CSMD1: variants seen among roughly 807,000 people sequenced by gnomAD.
CSMD1 encodes CUB and Sushi multiple domains 1.
In CSMD1, 213 loss-of-function variants were observed where a neutral mutation model predicts 417.5. That is an observed-to-expected ratio of 0.51 (90% CI 0.46 to 0.57). CSMD1 has a LOEUF of 0.57. Among genes scored for constraint, CSMD1 ranks in the 20% least tolerant of loss-of-function variants. The pLI, the probability that CSMD1 is intolerant of heterozygous loss-of-function variation, is 0.00. For missense variants in CSMD1, 6,923 were observed against 4,529.7 expected (o/e 1.53, Z -15.17); for synonymous variants, 2,862 against 1,736.8 (o/e 1.65, Z -16.11).
At chr8:3,633,856 T>C (rs901388885) in intron 7 of CSMD1, among the ~76,000 whole-genome samples, 21 of 152,290 alleles carry the variant, frequency 1.4e-4, no homozygotes, top group African/African-American at 3.9e-4. Context: ...GCTGTGAACA[T>C]CATAGACACA....
At chr8:4,106,011 G>A (rs181979940) in intron 3 of CSMD1, among the ~76,000 whole-genome samples, 57 of 152,336 alleles carry the variant, frequency 3.7e-4, no homozygotes, top group African/African-American at 1.3e-3. Flanking sequence ...GCATCTTCGG[G>A]TGTGCCACCA....
chr8:4,521,638 T>C (rs1803454162), intron 2 of CSMD1, among the ~76,000 whole-genome samples: 1 of 152,106 alleles, frequency 6.6e-6, no homozygotes, highest in African/African-American at 2.4e-5. Flanking sequence ...AACTTTATGG[T>C]AGAAAAAGGT....
At chr8:4,829,153 T>G (rs1470749895) in intron 1 of CSMD1, among the ~76,000 whole-genome samples, 1 of 152,240 alleles carries the variant, frequency 6.6e-6, no homozygotes, top group Non-Finnish European at 1.5e-5. Flanking sequence ...TGATCCTGCC[T>G]GTTGCAATTC....
rs1205784963 is a variant in CSMD1 at position 3,409,471 on chromosome 8, T to A, written c.1696A>T (p.Thr566Ser). 2.5e-6 allele frequency: 4 copies of A among 1,611,504 alleles called. No homozygotes were observed. The highest frequency in any genetic ancestry group is 1.7e-4 in the Middle Eastern group (1 of 6,054). ...GACCACTGATTGTTCTGCTGACAGG[T>A]GATAACTCTCTCCCCCACCAGCTCA... is the stretch of plus-strand genomic sequence containing the variant. ...AFELVGERVI[T>S]CQQNNQWSGN... Residue 566 changes from threonine to serine, a missense_variant, in exon 13 of 70, where the codon ACC (threonine) becomes TCC (serine). By Grantham distance (58) the Thr-to-Ser change is moderately conservative. Transcript: ENST00000635120.
chr8:3,881,132 T>G (rs1806176219), intron 5 of CSMD1, among the ~76,000 whole-genome samples: 1 of 152,122 alleles, frequency 6.6e-6, no homozygotes, highest in Non-Finnish European at 1.5e-5. Context: ...ATCTAAAAAA[T>G]GCAGATATGT....
intron 2 of CSMD1, among the ~76,000 whole-genome samples, chr8:4,497,079 A>C (rs1343714860): frequency 2.0e-5 from 3 of 152,188 alleles, no homozygotes; most frequent in Non-Finnish European, 2.9e-5. Flanking sequence ...ACTGCTAGAC[A>C]GACGCCATCG....
intron 5 of CSMD1, among the ~76,000 whole-genome samples, chr8:3,949,020 C>G (rs571221859): frequency 1.3e-5 from 2 of 152,018 alleles, no homozygotes; most frequent in African/African-American, 4.8e-5. Context: ...TAAATCTGAA[C>G]TAGAATTTTC....
At chr8:4,602,857 C>A (rs1415170522) in intron 2 of CSMD1, among the ~76,000 whole-genome samples, 3 of 151,582 alleles carry the variant, frequency 2.0e-5, no homozygotes, top group East Asian at 1.9e-4. Flanking sequence ...AAAAAGAAAT[C>A]TTTTATTATA....
chr8:4,926,033 A>T (rs1806846609), intron 1 of CSMD1, among the ~76,000 whole-genome samples: 1 of 152,210 alleles, frequency 6.6e-6, no homozygotes, highest in Admixed American at 6.5e-5. Context: ...AGAGCTCATA[A>T]ACCAACCTAA....
At chr8:4,642,180 G>C (rs1035472321) in intron 1 of CSMD1, among the ~76,000 whole-genome samples, 1 of 152,162 alleles carries the variant, frequency 6.6e-6, no homozygotes, top group Admixed American at 6.5e-5. Flanking sequence ...TACTTGTTCG[G>C]GGCCCCGGTG....
chr8:3,214,705 G>T lies in CSMD1; in HGVS notation c.4673-14C>A. The T allele has an allele frequency of 1.9e-6, 3 of 1,542,076 alleles. No individual in the cohort carries two copies. Among genetic ancestry groups the T allele is most frequent in the Non-Finnish European group, 2.6e-6 (3 of 1,141,082 alleles). ...CCCGTGGTTTCTCTGTGGAAGAAAT[G>T]AATGTAAACTGCATGAGAGCAGGGA... On this transcript the variant is annotated splice_polypyrimidine_tract_variant and intron_variant, in intron 29 of 69. Transcript: ENST00000635120.
intron 5 of CSMD1, among the ~76,000 whole-genome samples, chr8:3,841,842 G>A (rs1803157909): frequency 6.6e-6 from 1 of 151,978 alleles, no homozygotes; most frequent in Non-Finnish European, 1.5e-5. Context: ...TTTGCATCAA[G>A]CTAGCAGCTC....
At chr8:2,996,178 G>GA (rs1055799029) in intron 54 of CSMD1, among the ~76,000 whole-genome samples, 15 of 148,864 alleles carry the variant, frequency 1.0e-4, no homozygotes, top group Admixed American at 2.7e-4. Flanking sequence ...ACTTTAATGG[G>GA]AAAAAAGAGA....
At chr8:3,708,063 C>T (rs937601513) in intron 7 of CSMD1, among the ~76,000 whole-genome samples, 41 of 152,146 alleles carry the variant, frequency 2.7e-4, no homozygotes, top group African/African-American at 8.5e-4. Context: ...TTCTCCTTTG[C>T]AGAGATCAGT....
At chr8:3,135,693 A>G (rs1818038028) in intron 41 of CSMD1, among the ~76,000 whole-genome samples, 1 of 151,908 alleles carries the variant, frequency 6.6e-6, no homozygotes, top group Non-Finnish European at 1.5e-5. Context: ...CATGCTCTTG[A>G]GTGAAGTCTG....
Position 3,219,269 on chromosome 8 carries a change from G to T in CSMD1, c.4658C>A (p.Ala1553Asp). 6.3e-7 allele frequency: 1 copy of T among 1,592,362 alleles called. No individual in the cohort carries two copies. Among genetic ancestry groups the T allele is most frequent in the Non-Finnish European group, 8.6e-7 (1 of 1,168,418 alleles). ...SDASVGLSGF[A>D]IEFKEKPREA... ...AATCGCAATACCTTTAAATTCAATG[G>T]CGAACCCTGAAAGGCCCACGGAGGC... The change falls in exon 29 of 70, where the codon GCC becomes GAC. Residue 1553 changes from alanine to aspartate, a missense_variant. By Grantham distance (126) the Ala-to-Asp change is moderately radical. Coordinates refer to ENST00000635120, the MANE Select transcript of CSMD1 (RefSeq NM_033225.6).
intron 23 of CSMD1, among the ~76,000 whole-genome samples, chr8:3,312,244 C>T (rs1412050151): frequency 2.0e-5 from 3 of 152,172 alleles, no homozygotes; most frequent in African/African-American, 7.2e-5. Flanking sequence ...TTAAACTACA[C>T]CTTGTCATAC....
chr8:3,277,253 A>T (rs1268197350), intron 26 of CSMD1, among the ~76,000 whole-genome samples: 1 of 152,134 alleles, frequency 6.6e-6, no homozygotes, highest in Non-Finnish European at 1.5e-5. Flanking sequence ...ATGAGAAGTC[A>T]CCCTGGCTGA....
intron 3 of CSMD1, among the ~76,000 whole-genome samples, chr8:4,053,043 C>T (rs1469899465): frequency 6.6e-6 from 1 of 152,092 alleles, no homozygotes; most frequent in Non-Finnish European, 1.5e-5. Flanking sequence ...GTACCTCTAA[C>T]CAGAGGAGTC....
Sources: allele counts gnomAD v4.1 joint callset (sites outside exome capture counted in the v4.1 genomes callset), GRCh38; gene constraint gnomAD v4.1.1; transcripts MANE v1.5; gene names NCBI Gene and HGNC (gene_info 2026-07-23, HGNC 2026-07-21).